Variants in ZNF71 observed in about 807,000 individuals in gnomAD.
The protein encoded by ZNF71 is zinc finger protein 71.
ZNF71 carries 3 observed loss-of-function variants against 6.7 expected under a neutral mutation model. The ratio of observed to expected loss-of-function variants is 0.45; its 90% confidence interval spans 0.20 to 1.16. ZNF71 has a LOEUF of 1.16. Ranked by LOEUF, ZNF71 falls within the 50% of genes most tolerant of loss-of-function variation. The pLI, the probability that ZNF71 is intolerant of heterozygous loss-of-function variation, is 0.25. For missense variants in ZNF71, 688 were observed against 728.6 expected, an observed-to-expected ratio of 0.94 and a Z score of 0.64; for synonymous variants, 343 against 311.1, an observed-to-expected ratio of 1.10 and a Z score of -1.08.
chr19:56,614,636 T>C (rs542397895), intron 3 of ZNF71, among the ~76,000 whole-genome samples: 39 of 152,350 alleles, frequency 2.6e-4, no homozygotes, highest in African/African-American at 9.1e-4. Context: ...GGCACTGCCA[T>C]GAAAAGATGT....
At chr19:56,609,340 C>G (rs1279037175) in intron 2 of ZNF71, among the ~76,000 whole-genome samples, 1 of 151,994 alleles carries the variant, frequency 6.6e-6, no homozygotes, top group Non-Finnish European at 1.5e-5. Context: ...CATTAATATC[C>G]AGTGCTTTTT....
chr19:56,601,564 T>A lies in ZNF71; in HGVS notation c.6T>A (p.Ala2=). The A allele has an allele frequency of 4.1e-6, 4 of 985,908 alleles. No individual in the cohort carries two copies. The highest frequency in any genetic ancestry group is 4.8e-6 in the Non-Finnish European group (4 of 830,054). The allele number at this position is 985,908 out of a possible 1,614,324, so 61.1% of individuals were successfully genotyped here. A position where few individuals can be genotyped will look rare whatever the true frequency, so the allele number is the denominator to read the frequency against. ...TCACCGTGGGCAGCAGAGGGATGGC[T>A]GCTCAGCTGCTGACTGATGAGGCAC... The part of the protein sequence containing the change: M[A]AQLLTDEALE... Residue 2 remains alanine, a synonymous_variant, in exon 2 of 4, where the codon GCT becomes GCA. Transcript: ENST00000599599.
rs1234380662 is a variant in ZNF71 at position 56,622,222 on chromosome 19, C to T, written c.1115C>T (p.Ser372Leu). 2.6e-5 allele frequency: 42 copies of T among 1,612,214 alleles called. No homozygotes were observed. The highest frequency in any genetic ancestry group is 3.2e-5 in the Non-Finnish European group (38 of 1,178,928). Residue 372 changes from serine (S) to leucine (L), a missense_variant, in exon 4 of 4, where the codon TCG becomes TTG. Physicochemically the swap from Ser to Leu is moderately radical, Grantham distance 145. Coordinates refer to ENST00000599599, the MANE Select transcript of ZNF71 (RefSeq NM_001370215.1). ...GGCAAGGCCTTCAACAAGAGCTCCT[C>T]GCTCACCCTGCACCAGAGGAACCAC... is the stretch of plus-strand genomic sequence containing the variant. ...ECGKAFNKSS[S>L]LTLHQRNHTG...
chr19:56,599,893 C>A (rs1391320893), intron 1 of ZNF71, among the ~76,000 whole-genome samples: 2 of 151,612 alleles, frequency 1.3e-5, no homozygotes, highest in African/African-American at 2.4e-5. Context: ...CGGGGTTTCA[C>A]CGTGGTCTTG....
chr19:56,615,103 G>A (rs77564746), intron 3 of ZNF71, among the ~76,000 whole-genome samples: 9,003 of 151,840 alleles, frequency 0.059, 584 homozygotes, highest in East Asian at 0.33. Context: ...TTATTCCACT[G>A]TATGTGTATG....
At chr19:56,606,293 G>A (rs1440577899) in intron 2 of ZNF71, among the ~76,000 whole-genome samples, 1 of 152,126 alleles carries the variant, frequency 6.6e-6, no homozygotes, top group East Asian at 1.9e-4. Flanking sequence ...GTATCACTCT[G>A]TGTGTTTCCA....
rs2044874568 is a variant in ZNF71 at position 56,622,779 on chromosome 19, A to G, written c.*22A>G. On this transcript the variant is annotated 3_prime_UTR_variant, in exon 4 of 4. Transcript: ENST00000599599. ...CTGAGCGCCTCTGTGCAGGGCTCTC[A>G]CTGGCGGTGCCCAGGACGGACGCCA... 6.4e-7 allele frequency: 1 copy of G among 1,571,280 alleles called. No homozygotes were observed. The highest frequency in any genetic ancestry group is 1.3e-5 in the African/African-American group (1 of 74,120).
chr19:56,611,160 C>A (rs890522150), intron 2 of ZNF71, among the ~76,000 whole-genome samples: 2 of 152,192 alleles, frequency 1.3e-5, no homozygotes, highest in Admixed American at 6.5e-5. Flanking sequence ...TGCAAGTTCC[C>A]TGGGGGATAT....
chr19:56,621,908 G>T lies in ZNF71; in HGVS notation c.801G>T (p.Thr267=). The change falls in exon 4 of 4, where the codon ACG becomes ACT. Residue 267 remains threonine, a synonymous_variant. Coordinates refer to ENST00000599599, the MANE Select transcript of ZNF71 (RefSeq NM_001370215.1). ...QRMNLTVHQR[T]HTGEKPYVCD... ...TGAACCTCACTGTGCACCAGCGCAC[G>T]CACACGGGCGAGAAGCCGTATGTGT... 1.9e-6 allele frequency: 3 copies of T among 1,612,490 alleles called. No individual in the cohort carries two copies. Among genetic ancestry groups the T allele is most frequent in the Non-Finnish European group, 2.5e-6 (3 of 1,179,630 alleles).
intron 2 of ZNF71, among the ~76,000 whole-genome samples, chr19:56,605,791 A>G (rs554013705): frequency 6.6e-6 from 1 of 152,316 alleles, no homozygotes; most frequent in Non-Finnish European, 1.5e-5. Context: ...CAGCTGGGAC[A>G]CTCTGTGATA....
At position 56,603,141 on chromosome 19, in the gene ZNF71, G is replaced by A. The variant is rs538469468; in HGVS notation, c.33+1550G>A. Among the ~76,000 whole-genome samples, 35 of 152,238 alleles carry A rather than the reference G, an allele frequency of 2.3e-4. No individual in the cohort carries two copies. The highest frequency in any genetic ancestry group is 7.7e-4 in the African/African-American group (32 of 41,538). On this transcript the variant is annotated intron_variant, in intron 2 of 3. Transcript: ENST00000599599. The surrounding 1 kb of genome is among the most constrained non-coding windows in gnomAD (Gnocchi z 4.6). ...ATTTTGGGTACATTCATAGAGTCGC[G>A]TTAACCATCACCACAGTCCATTTCA... is the stretch of plus-strand genomic sequence containing the variant.
rs714082 is a variant in ZNF71, at chr19:56,613,760, C to T, written c.34-52C>T. 254,041 of 1,067,854 alleles carry T rather than the reference C, an allele frequency of 0.24. 35,629 individuals are homozygous for T. The highest frequency in any genetic ancestry group is 0.66 in the East Asian group (8,421 of 12,756). 66.1% of individuals were successfully genotyped at this position (1,067,854 alleles called of 1,614,324 possible). A position where few individuals can be genotyped will look rare whatever the true frequency, so the allele number is the denominator to read the frequency against. On this transcript the variant is annotated intron_variant, in intron 2 of 3. Coordinates refer to ENST00000599599, the MANE Select transcript of ZNF71 (RefSeq NM_001370215.1). The surrounding 1 kb of genome is among the most constrained non-coding windows in gnomAD (Gnocchi z 4.6). ...CTTGGCTTTTCTGGCCATTCCTCCA[C>T]GCCTCTGTAAGGAGGGCCCTGCGAT...
rs1393973340 is a variant in ZNF71, at chr19:56,595,746, ATGTGTCTGTGTG to A, written c.-53+331_-53+342del. Among the ~76,000 whole-genome samples, 5 of 151,126 alleles carry A rather than the reference ATGTGTCTGTGTG, an allele frequency of 3.3e-5. No homozygotes were observed. In the East Asian group the frequency reaches 5.9e-4, roughly 18 times the overall value. On this transcript the variant is annotated intron_variant, in intron 1 of 3. Transcript: ENST00000599599. ...GGCTGTGTCTTTGTGGATATTGTGA[ATGTGTCTGTGTG>A]TGTGTCTGTGTGGGTCTGTATGTGT...
intron 1 of ZNF71, among the ~76,000 whole-genome samples, chr19:56,599,754 TGCCATCTCAGCTCACTGCAAGCTCC>T (rs1568503124): frequency 6.6e-6 from 1 of 150,984 alleles, no homozygotes; most frequent in Non-Finnish European, 1.5e-5. Context: ...AGTGCAGTGT[TGCCATCTCAGCTCACTGCAAGCTCC>T]GCCTCCTGGG....
intron 2 of ZNF71, chr19:56,610,310 C>A (rs2044742323): frequency 6.6e-6 from 1 of 152,240 alleles, no homozygotes; most frequent in Non-Finnish European, 1.5e-5. Flanking sequence ...CCTGTATAAG[C>A]ACATATGTGT....
rs745393706 is a variant in ZNF71, at chr19:56,622,298, G to C, written c.1191G>C (p.Gln397His). The C allele has an allele frequency of 1.1e-5, 17 of 1,609,424 alleles. No individual in the cohort carries two copies. Among genetic ancestry groups the C allele is most frequent in the African/African-American group, 1.3e-5 (1 of 74,676 alleles). The stretch of plus-strand genomic sequence containing the variant: ...GCGAGTGCGGCAAGGCCTTCAGCCA[G>C]AGCTCCTACCTCATCCAGCACCAGC... Reference protein sequence around the residue: ...VCGECGKAFSQSSYLIQHQRF... With the variant: ...VCGECGKAFSHSSYLIQHQRF... Residue 397 changes from glutamine (Q) to histidine (H), a missense_variant, in exon 4 of 4, where the codon CAG becomes CAC. Coordinates refer to ENST00000599599, the MANE Select transcript of ZNF71 (RefSeq NM_001370215.1).
intron 2 of ZNF71, among the ~76,000 whole-genome samples, chr19:56,604,567 G>A (rs79245320): frequency 0.019 from 2,863 of 152,276 alleles, 86 homozygotes; most frequent in African/African-American, 0.064. Flanking sequence ...ATTGTTATCA[G>A]GAAGCCTGCC....
At chr19:56,605,852 G>A (rs2044706872) in intron 2 of ZNF71, among the ~76,000 whole-genome samples, 1 of 152,186 alleles carries the variant, frequency 6.6e-6, no homozygotes, top group African/African-American at 2.4e-5. Context: ...CCATCTCAGG[G>A]TCTGATCCAA....
intron 2 of ZNF71, among the ~76,000 whole-genome samples, chr19:56,612,451 A>G (rs2044758969): frequency 1.3e-5 from 2 of 152,228 alleles, no homozygotes; most frequent in Admixed American, 1.3e-4. Context: ...GCCATAAAAA[A>G]TAATGAAATA....
Sources: allele counts gnomAD v4.1 joint callset (sites outside exome capture counted in the v4.1 genomes callset), GRCh38; gene constraint gnomAD v4.1.1; non-coding constraint Gnocchi (gnomAD v3.1); transcripts MANE v1.5; gene names NCBI Gene and HGNC (gene_info 2026-07-23, HGNC 2026-07-21).